Variants in EVL observed in about 807,000 individuals in gnomAD.
EVL encodes ena/VASP-like protein.
A neutral mutation model predicts 59.6 loss-of-function variants in EVL; 21 were observed. The observed-to-expected ratio is 0.35, with a 90% confidence interval of 0.25 to 0.51. EVL has a LOEUF of 0.51. Among genes scored for constraint, EVL ranks in the 20% least tolerant of loss-of-function variants. EVL has a pLI of 0.97. For missense variants in EVL, 462 were observed against 546.6 expected, an observed-to-expected ratio of 0.85 and a Z score of 1.54; for synonymous variants, 198 against 203.5, an observed-to-expected ratio of 0.97 and a Z score of 0.23.
At chr14:100,068,110 C>T (rs1400258368) in intron 1 of EVL, among the ~76,000 whole-genome samples, 1 of 152,058 alleles carries the variant, frequency 6.6e-6, no homozygotes, top group Non-Finnish European at 1.5e-5. Context: ...CAACAAGAGA[C>T]GTGAAAACAA....
intron 1 of EVL, among the ~76,000 whole-genome samples, chr14:100,011,748 C>A (rs942391932): frequency 5.3e-5 from 8 of 152,122 alleles, no homozygotes; most frequent in African/African-American, 1.9e-4. Flanking sequence ...TAGTAAGTTG[C>A]TCTTAAGGAT....
intron 1 of EVL, among the ~76,000 whole-genome samples, chr14:99,988,200 GC>G: frequency 6.6e-6 from 1 of 152,176 alleles, no homozygotes; most frequent in East Asian, 1.9e-4. Flanking sequence ...ACAGGTGTGA[GC>G]CGCCGTGCCT....
intron 1 of EVL, among the ~76,000 whole-genome samples, chr14:99,987,698 C>T (rs2060848233): frequency 6.6e-6 from 1 of 151,990 alleles, no homozygotes; most frequent in Non-Finnish European, 1.5e-5. Flanking sequence ...GCTTGTTTGC[C>T]CCTCCTAGCA....
chr14:100,007,651 A>G (rs1191166021), intron 1 of EVL, among the ~76,000 whole-genome samples: 1 of 152,220 alleles, frequency 6.6e-6, no homozygotes, highest in Non-Finnish European at 1.5e-5. Context: ...CCAAAGACTC[A>G]AAGTGTGTCG....
At chr14:100,110,865 G>T (rs1423555425) in intron 3 of EVL, among the ~76,000 whole-genome samples, 1 of 152,166 alleles carries the variant, frequency 6.6e-6, no homozygotes, top group Non-Finnish European at 1.5e-5. Flanking sequence ...TGTAGATACA[G>T]CCCAGGCGCC....
upstream of EVL, among the ~76,000 whole-genome samples, chr14:100,063,987 A>G (rs1026614257): frequency 6.6e-6 from 1 of 152,220 alleles, no homozygotes; most frequent in East Asian, 1.9e-4. Flanking sequence ...TCAATAATCC[A>G]TGGATAAAAG....
intron 4 of EVL, 44 bp downstream of exon 4, chr14:100,123,646 A>G (rs1374816856): frequency 1.1e-5 from 17 of 1,607,976 alleles, no homozygotes; most frequent in Non-Finnish European, 1.4e-5. Flanking sequence ...TCTCCCAATC[A>G]GGCTGGGTGG....
rs78410343 is a variant in EVL at position 100,096,322 on chromosome 14, A to C, written c.181-1159A>C. Among the ~76,000 whole-genome samples the C allele has an allele frequency of 6.1e-3, 932 of 152,348 alleles. 9 individuals carry two copies. The highest frequency in any genetic ancestry group is 0.021 in the African/African-American group (875 of 41,588). ...ATCTGAGAAATCATCTTGTACTTCT[A>C]AAGCAAAATCCTTTCCATGGCGTCT... On this transcript the variant is annotated intron_variant, in intron 2 of 13. Transcript: ENST00000392920.
Position 100,143,926 on chromosome 14 carries a change from G to T in EVL, c.*188G>T. ...CAAGTGCAACTCCTGGGTTTTTTTAGATTCTGCCTGACACGGAACACCAGG... is the reference window on the plus strand; with the variant it reads ...CAAGTGCAACTCCTGGGTTTTTTTATATTCTGCCTGACACGGAACACCAGG... On this transcript the variant is annotated 3_prime_UTR_variant, in exon 14 of 14. Coordinates refer to ENST00000392920, the MANE Select transcript of EVL (RefSeq NM_016337.3). 1.6e-6 allele frequency: 1 copy of T among 615,670 alleles called. No homozygotes were observed. Among genetic ancestry groups the T allele is most frequent in the Non-Finnish European group, 2.8e-6 (1 of 356,426 alleles). 38.1% of individuals were successfully genotyped at this position (615,670 alleles called of 1,614,324 possible).
At chr14:100,036,866 T>C (rs1049053019) in intron 1 of EVL, among the ~76,000 whole-genome samples, 1 of 152,168 alleles carries the variant, frequency 6.6e-6, no homozygotes. Context: ...TATTCAGAGA[T>C]AGGGCCTTTA....
Position 100,141,780 on chromosome 14 carries a change from G to A in EVL, c.1206G>A (p.Glu402=), listed in dbSNP as rs1401388251. 1 of 1,613,376 alleles carries A rather than the reference G, an allele frequency of 6.2e-7. No individual in the cohort carries two copies. The highest frequency in any genetic ancestry group is 2.2e-5 in the East Asian group (1 of 44,864). Residue 402 remains glutamate (E), a synonymous_variant, in exon 13 of 14, where the codon GAG becomes GAA. Coordinates refer to ENST00000392920, the MANE Select transcript of EVL (RefSeq NM_016337.3). The part of the protein sequence containing the change: ...EVVRELHKVK[E]EIIDAIRQEL... ...TGAGAGAGCTCCACAAGGTGAAGGA[G>A]GAGATCATCGACGGTGAGTGCAGCC...
intron 1 of EVL, among the ~76,000 whole-genome samples, chr14:100,008,580 C>G (rs975799300): frequency 3.9e-5 from 6 of 152,102 alleles, no homozygotes; most frequent in African/African-American, 1.4e-4. Flanking sequence ...CTTCTGTATT[C>G]AGTATTTGCT....
chr14:100,053,103 T>C (rs1430902520), intron 1 of EVL: 1 of 152,176 alleles, frequency 6.6e-6, no homozygotes, highest in Non-Finnish European at 1.5e-5. Flanking sequence ...TAACCTTAAT[T>C]GACTTTCTGC....
intron 3 of EVL, among the ~76,000 whole-genome samples, chr14:100,112,746 G>C (rs868133786): frequency 6.6e-6 from 1 of 152,186 alleles, no homozygotes; most frequent in Admixed American, 6.5e-5. Flanking sequence ...TCTTAAGAAC[G>C]ACCCACACAC....
chr14:100,136,045 C>T, intron 9 of EVL, 77 bp downstream of exon 9: 1 of 1,517,024 alleles, frequency 6.6e-7, no homozygotes, highest in South Asian at 1.1e-5. Flanking sequence ...GGACAGGACC[C>T]TCTGATCCAG....
intron 1 of EVL, among the ~76,000 whole-genome samples, chr14:100,065,925 AG>A (rs2061921261): frequency 1.3e-5 from 2 of 152,128 alleles, no homozygotes; most frequent in Admixed American, 1.3e-4. Context: ...ATAGGCAGAG[AG>A]GGTTCTTTTT....
At chr14:100,061,755 A>G (rs1335167433), upstream of EVL, among the ~76,000 whole-genome samples, 2 of 152,192 alleles carry the variant, frequency 1.3e-5, no homozygotes, top group East Asian at 1.9e-4. Flanking sequence ...TATTATGTGT[A>G]TTATACACTG....
Position 100,047,114 on chromosome 14 carries a change from CTCTCTT to C in EVL, c.6-37571_6-37566del, listed in dbSNP as rs769527410. Reference sequence around the variant, plus strand: ...ATTTTGAGACCTTGGGCAGATCTCTCTCTCTTTTTTTTTTTTTTTTTTTTTTTTTTT... The same window carrying C: ...ATTTTGAGACCTTGGGCAGATCTCTCTTTTTTTTTTTTTTTTTTTTTTTTT... On this transcript the variant is annotated intron_variant, in intron 1 of 13. Coordinates refer to the EVL transcript ENST00000402714. Among the ~76,000 whole-genome samples the C allele has an allele frequency of 1.4e-3, 133 of 95,098 alleles. 23 individuals carry two copies. Among genetic ancestry groups the C allele is most frequent in the East Asian group, 4.8e-3 (13 of 2,732 alleles). 62.4% of individuals were successfully genotyped at this position (95,098 alleles called of 152,430 possible). A position where few individuals can be genotyped will look rare whatever the true frequency, so the allele number is the denominator to read the frequency against.
At chr14:100,043,267 ATATATATATGTGTGTGTG>A (rs1365822780) in intron 1 of EVL, among the ~76,000 whole-genome samples, 2 of 145,604 alleles carry the variant, frequency 1.4e-5, no homozygotes, top group Non-Finnish European at 3.1e-5. Flanking sequence ...GTGTGTGTGT[ATATATATATGTGTGTGTG>A]TATATATATG....
Sources: allele counts gnomAD v4.1 joint callset (sites outside exome capture counted in the v4.1 genomes callset), GRCh38; gene constraint gnomAD v4.1.1; transcripts MANE v1.5; gene names NCBI Gene and HGNC (gene_info 2026-07-23, HGNC 2026-07-21).